CROCC: variants seen among roughly 807,000 people sequenced by gnomAD.
CROCC encodes rootletin.
Under a neutral mutation model 245.2 loss-of-function variants are expected in CROCC, and 180 were observed. That is an observed-to-expected ratio of 0.73 (90% confidence interval 0.65 to 0.83). CROCC has a LOEUF of 0.83. Among genes scored for constraint, CROCC ranks in the 40% least tolerant of loss-of-function variants. The pLI, the probability that CROCC is intolerant of heterozygous loss-of-function variation, is 0.00. For synonymous variants in CROCC, 1,205 were observed against 1,241.6 expected (o/e 0.97, Z 0.62); for missense variants, 2,688 against 2,779.4 (o/e 0.97, Z 0.74).
At chr1:16,930,624 T>C in intron 7 of CROCC, 30 bp downstream of exon 7, 1 of 1,587,902 alleles carries the variant, frequency 6.3e-7, no homozygotes, top group Non-Finnish European at 8.6e-7. Flanking sequence ...GAGGCCAGCC[T>C]GACCCAAGAG....
intron 25 of CROCC, 147 bp from the exon 26 acceptor site, chr1:16,958,436 T>G: frequency 2.1e-6 from 2 of 934,838 alleles, no homozygotes; most frequent in Non-Finnish European, 3.2e-6. Context: ...AAGTTCAGTG[T>G]GGTTGTGTAG....
chr1:16,927,643 T>C (rs1295623354), intron 3 of CROCC, among the ~76,000 whole-genome samples: 11 of 152,288 alleles, frequency 7.2e-5, no homozygotes, highest in Non-Finnish European at 1.5e-4. Context: ...GTGTCCTGCG[T>C]GGAGACAAAT....
intron 8 of CROCC, among the ~76,000 whole-genome samples, chr1:16,932,580 C>A (rs2075701728): frequency 6.6e-6 from 1 of 152,228 alleles, no homozygotes; most frequent in African/African-American, 2.4e-5. Context: ...ATGGAATTTG[C>A]ACAGAGCCTC....
At chr1:16,953,004 T>C in intron 20 of CROCC, 1 of 365,786 alleles carries the variant, frequency 2.7e-6, no homozygotes, top group South Asian at 3.5e-5. Context: ...CTCTAGGCCT[T>C]TCCAGGGGCT....
In CROCC at chr1:16,939,131, C is replaced by G. The variant is rs1361063805; in HGVS notation, c.1597C>G (p.Leu533Val). The change falls in exon 12 of 37, where the codon CTG (leucine) becomes GTG (valine). Residue 533 changes from leucine (L) to valine (V), a missense_variant. Physicochemically the swap from Leu to Val is conservative, Grantham distance 32. This residue lies in a region of CROCC where 972 missense variants were observed against 895.3 expected (regional missense o/e 1.09). Transcript: ENST00000375541. The part of the protein sequence containing the change: ...LIHSALHKRQ[L>V]QVQDMRGRYE... The stretch of plus-strand genomic sequence containing the variant: ...CCACTCCGCCCTGCACAAGCGCCAG[C>G]TGCAGGTCCAGGTAGGAAGGGGCTT... The G allele has an allele frequency of 2.6e-6, 4 of 1,520,948 alleles. No homozygotes were observed. The highest frequency in any genetic ancestry group is 3.5e-6 in the Non-Finnish European group (4 of 1,145,804). 94.2% of individuals were successfully genotyped at this position (1,520,948 alleles called of 1,614,324 possible). A position where few individuals can be genotyped will look rare whatever the true frequency, so the allele number is the denominator to read the frequency against.
At chr1:16,950,217 C>T (rs1365114161) in intron 19 of CROCC, among the ~76,000 whole-genome samples, 1 of 151,870 alleles carries the variant, frequency 6.6e-6, no homozygotes, top group Non-Finnish European at 1.5e-5. Context: ...ATGCCCGCCA[C>T]CATGCCTGGC....
intron 13 of CROCC, chr1:16,941,070 A>G (rs2075921387): frequency 4.4e-6 from 1 of 226,266 alleles, no homozygotes; most frequent in East Asian, 1.5e-4. Flanking sequence ...TATGTTGCCC[A>G]TGCTGGTCTT....
At chr1:16,916,085 A>C (rs1361790238) in intron 1 of CROCC, among the ~76,000 whole-genome samples, 3 of 152,240 alleles carry the variant, frequency 2.0e-5, no homozygotes, top group Non-Finnish European at 4.4e-5. Flanking sequence ...CTGAGGTAGG[A>C]GAATTGCTTG....
At chr1:16,950,889 A>C in intron 19 of CROCC, 64 bp from the exon 20 acceptor site, 1 of 1,407,738 alleles carries the variant, frequency 7.1e-7, no homozygotes, top group Non-Finnish European at 9.4e-7. Flanking sequence ...ACCTGGCCTA[A>C]GTCTGCTGGC....
At position 16,930,203 on chromosome 1, in the gene CROCC, T is replaced by C. The variant is rs1270455710; in HGVS notation, c.617T>C (p.Leu206Pro). The C allele has an allele frequency of 1.3e-6, 2 of 1,589,170 alleles. No homozygotes were observed. Among genetic ancestry groups the C allele is most frequent in the Admixed American group, 1.8e-5 (1 of 56,056 alleles). Residue 206 changes from leucine to proline, a missense_variant, in exon 5 of 37, where the codon CTG becomes CCG. Leu to Pro is a moderately conservative substitution (Grantham distance 98, BLOSUM62 -3). Coordinates refer to ENST00000375541, the MANE Select transcript of CROCC (RefSeq NM_014675.5). ...TCCGGAGAGCTGGAGCAGCAGCGGC[T>C]GAGGGTGGGTGCCAGTGTGGGGCAG... ...ERSGELEQQR[L>P]RDTEHSQDLE...
At position 16,956,182 on chromosome 1, in the gene CROCC, C is replaced by T. The variant is rs1224130778; in HGVS notation, c.3864+26C>T. ...GTACTCTCCCTGTGCCACCCCTTAG[C>T]CTGGGGCTTGCTGTGTGCCCCGGGC... On this transcript the variant is annotated intron_variant, in intron 25 of 36. Transcript: ENST00000375541. 4 of 1,511,870 alleles carry T rather than the reference C, an allele frequency of 2.6e-6. No homozygotes were observed. In the South Asian group the frequency reaches 5.1e-5, roughly 19 times the overall value. 93.7% of individuals were successfully genotyped at this position (1,511,870 alleles called of 1,614,324 possible). A position where few individuals can be genotyped will look rare whatever the true frequency, so the allele number is the denominator to read the frequency against.
At chr1:16,961,474 G>A (rs938893329) in intron 27 of CROCC, among the ~76,000 whole-genome samples, 4 of 152,076 alleles carry the variant, frequency 2.6e-5, no homozygotes, top group Admixed American at 2.0e-4. Context: ...GTCTCACTAT[G>A]TTGCCCAGGC....
intron 8 of CROCC, among the ~76,000 whole-genome samples, chr1:16,935,692 G>A (rs1471203136): frequency 1.3e-5 from 2 of 152,284 alleles, no homozygotes; most frequent in Admixed American, 6.5e-5. Flanking sequence ...CCAAAGTGCT[G>A]GGATTACAGG....
At chr1:16,968,726 G>C (rs1051669603) in intron 31 of CROCC, among the ~76,000 whole-genome samples, 2 of 152,214 alleles carry the variant, frequency 1.3e-5, no homozygotes, top group African/African-American at 4.8e-5. Context: ...AGGAAGCTCA[G>C]CTCTAACTGG....
intron 26 of CROCC, among the ~76,000 whole-genome samples, chr1:16,958,969 A>G (rs56013652): frequency 0.17 from 25,254 of 152,054 alleles, 2,383 homozygotes; most frequent in African/African-American, 0.24. Context: ...CTGTAGATAC[A>G]ACCTTGTTTG....
At chr1:16,919,343 A>G (rs1287599476), upstream of CROCC, among the ~76,000 whole-genome samples, 1 of 152,284 alleles carries the variant, frequency 6.6e-6, no homozygotes, top group Non-Finnish European at 1.5e-5. Flanking sequence ...CGCCTTGAAT[A>G]GGTGAGAGCC....
At chr1:16,920,431 G>C (rs531336713), upstream of CROCC, among the ~76,000 whole-genome samples, 43 of 152,324 alleles carry the variant, frequency 2.8e-4, no homozygotes, top group South Asian at 8.8e-3. Flanking sequence ...GACCTCAAGT[G>C]ATCTGCCCGC....
chr1:16,922,450 C>T (rs574310101), intron 1 of CROCC, among the ~76,000 whole-genome samples: 71 of 152,386 alleles, frequency 4.7e-4, no homozygotes, highest in Non-Finnish European at 4.1e-4. Context: ...GTTTGGTTCT[C>T]ATCTCTGGCC....
rs764706247 is a variant in CROCC at position 16,946,924 on chromosome 1, A to G, written c.2447A>G (p.Glu816Gly). 1.3e-6 allele frequency: 2 copies of G among 1,563,378 alleles called. No homozygotes were observed. Among genetic ancestry groups the G allele is most frequent in the Non-Finnish European group, 1.7e-6 (2 of 1,154,470 alleles). ...GSLRVAEQAQEALEQQLPTLR... is the reference protein window; with the variant it reads ...GSLRVAEQAQGALEQQLPTLR... ...CTACGAGTGGCGGAGCAGGCCCAGG[A>G]GGCATTGGAGCAGCAGCTCCCCACG... Residue 816 changes from glutamate to glycine, a missense_variant, in exon 17 of 37, where the codon GAG (glutamate) becomes GGG (glycine). By Grantham distance (98) the Glu-to-Gly change is moderately conservative. Coordinates refer to ENST00000375541, the MANE Select transcript of CROCC (RefSeq NM_014675.5).
Sources: allele counts gnomAD v4.1 joint callset (sites outside exome capture counted in the v4.1 genomes callset), GRCh38; gene constraint gnomAD v4.1.1; regional missense constraint gnomAD v4.1.1; transcripts MANE v1.5; gene names NCBI Gene and HGNC (gene_info 2026-07-23, HGNC 2026-07-21).